Variants in CPEB2 observed in about 807,000 individuals in gnomAD.
CPEB2 encodes the protein cytoplasmic polyadenylation element binding protein 2, also known as cytoplasmic polyadenylation element-binding protein 2.
A neutral mutation model predicts 93.6 loss-of-function variants in CPEB2; 56 were observed. The observed-to-expected ratio is 0.60, with a 90% CI of 0.48 to 0.75. The LOEUF (loss-of-function observed/expected upper bound fraction) is 0.75, where lower values mean the gene tolerates loss of function less well. Ranked by LOEUF, CPEB2 falls within the 30% of genes least tolerant of loss-of-function variation. CPEB2 has a pLI of 0.00. For missense variants in CPEB2, 1,579 were observed against 1,395.1 expected (o/e 1.13, Z -2.10); for synonymous variants, 764 against 586.3 (o/e 1.30, Z -4.38).
Position 15,003,860 on chromosome 4 carries a change from AGCC to A in CPEB2, c.1195_1197del (p.Pro399del), listed in dbSNP as rs1415611031. 1.2e-6 allele frequency: 1 copy of A among 844,086 alleles called. No individual in the cohort carries two copies. Among genetic ancestry groups the A allele is most frequent in the Non-Finnish European group, 1.6e-6 (1 of 638,970 alleles). The allele number at this position is 844,086 out of a possible 1,614,324, so 52.3% of individuals were successfully genotyped here. On this transcript the variant is annotated inframe_deletion, in exon 1 of 12. Coordinates refer to ENST00000538197, the MANE Select transcript of CPEB2 (RefSeq NM_001177382.2). ...GCGTCGCCGCCACCCCAGCCCCAGC[AGCC>A]GCCGCCGACCCAGCCGCAGCAGCAG... is the stretch of plus-strand genomic sequence containing the variant.
Position 15,039,131 on chromosome 4 carries a change from A to C in CPEB2, c.2177-1333A>C, listed in dbSNP as rs78355852. Among the ~76,000 whole-genome samples the C allele has an allele frequency of 3.1e-3, 479 of 152,332 alleles. 2 individuals are homozygous for C. Among genetic ancestry groups the C allele is most frequent in the Non-Finnish European group, 5.2e-3 (355 of 68,036 alleles). ...AGCTCAAGGATAGGTTAAGTGTGCA[A>C]CAGATTACAAGCTAAATAAAGACAC... On this transcript the variant is annotated intron_variant, in intron 5 of 11. Coordinates refer to ENST00000538197, the MANE Select transcript of CPEB2 (RefSeq NM_001177382.2).
In CPEB2 at chr4:15,007,400, T is replaced by C. The variant is rs757536174; in HGVS notation, c.1758T>C (p.Arg586=). 1 of 1,614,000 alleles carries C rather than the reference T, an allele frequency of 6.2e-7. No individual in the cohort carries two copies. Among genetic ancestry groups the C allele is most frequent in the East Asian group, 2.2e-5 (1 of 44,882 alleles). The change falls in exon 2 of 12, where the codon CGT becomes CGC. Residue 586 remains arginine (R), a synonymous_variant. Transcript: ENST00000538197. The part of the protein sequence containing the change: ...SWGAMHGRDH[R]RTGNMGIPGT... ...GAGCAATGCATGGCAGAGATCATCG[T>C]AGAACCGGAAACATGGGAATCCCAG...
At position 15,040,415 on chromosome 4, in the gene CPEB2, C is replaced by T. The variant is rs556687996; in HGVS notation, c.2177-49C>T. ...TATCAGAAATATTTGTATATGTGGG[C>T]TTATTTTTAGTTCTGACATTTTACA... On this transcript the variant is annotated intron_variant, in intron 5 of 11. Transcript: ENST00000538197. The T allele has an allele frequency of 8.8e-5, 134 of 1,516,338 alleles. No individual in the cohort carries two copies. The African/African-American group carries it at 1.5e-3, about 17-fold the overall frequency. The allele number at this position is 1,516,338 out of a possible 1,614,324, so 93.9% of individuals were successfully genotyped here.
At chr4:15,053,197 T>C (rs1250817099) in intron 7 of CPEB2, among the ~76,000 whole-genome samples, 1 of 152,042 alleles carries the variant, frequency 6.6e-6, no homozygotes, top group Non-Finnish European at 1.5e-5. Flanking sequence ...GTTGTATTTT[T>C]AGGTGAGACG....
At chr4:15,031,412 A>G (rs1227087499) in intron 4 of CPEB2, among the ~76,000 whole-genome samples, 1 of 152,136 alleles carries the variant, frequency 6.6e-6, no homozygotes, top group East Asian at 1.9e-4. Context: ...CTTCAAAGTA[A>G]TGTTCCGTGT....
At chr4:15,005,345 A>G (rs141552580) in intron 1 of CPEB2, among the ~76,000 whole-genome samples, 4 of 152,328 alleles carry the variant, frequency 2.6e-5, no homozygotes, top group African/African-American at 7.2e-5. Flanking sequence ...TTAACCTTCT[A>G]CAAGGGAATA....
At chr4:15,021,534 G>A (rs183768061) in intron 4 of CPEB2, among the ~76,000 whole-genome samples, 397 of 152,184 alleles carry the variant, frequency 2.6e-3, no homozygotes, top group Non-Finnish European at 4.2e-3. Flanking sequence ...ATTTTTGCCA[G>A]AAATTGCTTG....
At chr4:15,036,804 A>T (rs1446274081) in intron 5 of CPEB2, among the ~76,000 whole-genome samples, 1 of 152,222 alleles carries the variant, frequency 6.6e-6, no homozygotes, top group African/African-American at 2.4e-5. Context: ...TAAAGAGCTT[A>T]CTGTACTTTT....
intron 3 of CPEB2, among the ~76,000 whole-genome samples, chr4:15,016,057 C>G (rs112370465): frequency 2.6e-5 from 4 of 151,998 alleles, no homozygotes; most frequent in African/African-American, 9.7e-5. Flanking sequence ...CTTCTGGTCT[C>G]TCTTGAAGCT....
Position 15,003,569 on chromosome 4 carries a change from C to A in CPEB2, c.896C>A (p.Ala299Glu), listed in dbSNP as rs971971519. 1.7e-5 allele frequency: 25 copies of A among 1,466,912 alleles called. No individual in the cohort carries two copies. Among genetic ancestry groups the A allele is most frequent in the African/African-American group, 2.9e-5 (2 of 68,142 alleles). 90.9% of individuals were successfully genotyped at this position (1,466,912 alleles called of 1,614,324 possible). ...GEGSAAESPN[A>E]GLASSTPVNP... is the part of the protein sequence containing the mutation. Reference sequence around the variant, plus strand: ...GGCAGCGCCGCCGAGTCCCCCAATGCGGGCTTGGCCTCCTCGACGCCGGTG... The same window carrying A: ...GGCAGCGCCGCCGAGTCCCCCAATGAGGGCTTGGCCTCCTCGACGCCGGTG... Residue 299 changes from alanine to glutamate, a missense_variant, in exon 1 of 12, where the codon GCG (alanine) becomes GAG (glutamate). Ala to Glu is a moderately radical substitution (Grantham distance 107). This residue lies in a region of CPEB2 where 1,411 missense variants were observed against 1,056.0 expected (regional missense o/e 1.34). Transcript: ENST00000538197.
intron 2 of CPEB2, 95 bp from the exon 3 acceptor site, chr4:15,008,243 T>TA: frequency 1.2e-6 from 1 of 846,746 alleles, no homozygotes; most frequent in Non-Finnish European, 2.0e-6. Context: ...GGATTTAAGA[T>TA]AGAGCTTTAT....
intron 5 of CPEB2, among the ~76,000 whole-genome samples, chr4:15,039,038 G>A (rs1250489963): frequency 6.6e-6 from 1 of 152,180 alleles, no homozygotes; most frequent in African/African-American, 2.4e-5. Flanking sequence ...TCCTATCTGA[G>A]GAGAGGAGAA....
intron 10 of CPEB2, among the ~76,000 whole-genome samples, chr4:15,059,799 G>GCA (rs1729028912): frequency 6.6e-6 from 1 of 152,082 alleles, no homozygotes; most frequent in Non-Finnish European, 1.5e-5. Flanking sequence ...TATAATTGTA[G>GCA]ATGTATATGC....
chr4:15,007,100 A>G (rs1364138652), intron 1 of CPEB2, among the ~76,000 whole-genome samples: 1 of 152,222 alleles, frequency 6.6e-6, no homozygotes, highest in Non-Finnish European at 1.5e-5. Flanking sequence ...TATTTATAGT[A>G]TACAAGAAGA....
chr4:15,057,204 C>G (rs1728793857), intron 8 of CPEB2, among the ~76,000 whole-genome samples: 2 of 151,998 alleles, frequency 1.3e-5, no homozygotes, highest in African/African-American at 2.4e-5. Flanking sequence ...TGTAAAAAAT[C>G]TAAGACATGT....
chr4:15,003,038 A>G lies in CPEB2; in HGVS notation c.365A>G (p.His122Arg). 1 of 1,485,366 alleles carries G rather than the reference A, an allele frequency of 6.7e-7. No individual in the cohort carries two copies. Among genetic ancestry groups the G allele is most frequent in the East Asian group, 2.6e-5 (1 of 38,744 alleles). The allele number at this position is 1,485,366 out of a possible 1,614,324, so 92.0% of individuals were successfully genotyped here. A position where few individuals can be genotyped will look rare whatever the true frequency, so the allele number is the denominator to read the frequency against. ...AAATEKLPDH[H>R]PGGGTIAGVT... ...GCCACGGAGAAACTCCCCGACCACCACCCCGGCGGCGGCACGATCGCGGGT... is the reference window on the plus strand; with the variant it reads ...GCCACGGAGAAACTCCCCGACCACCGCCCCGGCGGCGGCACGATCGCGGGT... The change falls in exon 1 of 12, where the codon CAC (histidine) becomes CGC (arginine). Residue 122 changes from histidine (H) to arginine (R), a missense_variant. Physicochemically the swap from His to Arg is conservative, Grantham distance 29. Around this residue, in one of 2 missense-constraint regions of CPEB2, gnomAD observed 1,411 missense variants for 1,056.0 expected, o/e 1.34. Coordinates refer to ENST00000538197, the MANE Select transcript of CPEB2 (RefSeq NM_001177382.2).
chr4:15,062,044 C>T, intron 10 of CPEB2, 35 bp from the exon 11 acceptor site: 1 of 1,534,774 alleles, frequency 6.5e-7, no homozygotes, highest in African/African-American at 1.4e-5. Flanking sequence ...ACTGTGTTCT[C>T]TCACATTTGA....
rs556148173 is a variant in CPEB2 at position 15,024,157 on chromosome 4, T to G, written c.2125+6879T>G. On this transcript the variant is annotated intron_variant, in intron 4 of 11. Transcript: ENST00000538197. ...GCATCAAATTATCATCCAGATTGTT[T>G]TTTTTCATTATTGCAGTCCTATATA... 1.1e-4 allele frequency among the ~76,000 whole-genome samples: 17 copies of G among 152,276 alleles called. No homozygotes were observed. In the South Asian group the frequency reaches 3.3e-3, roughly 30 times the overall value.
At chr4:15,025,044 T>A (rs1283760397) in intron 4 of CPEB2, among the ~76,000 whole-genome samples, 1 of 151,992 alleles carries the variant, frequency 6.6e-6, no homozygotes, top group Non-Finnish European at 1.5e-5. Context: ...CATGCCTGCC[T>A]CCCATTTTTT....
Sources: allele counts gnomAD v4.1 joint callset (sites outside exome capture counted in the v4.1 genomes callset), GRCh38; gene constraint gnomAD v4.1.1; regional missense constraint gnomAD v4.1.1; transcripts MANE v1.5; gene names NCBI Gene and HGNC (gene_info 2026-07-23, HGNC 2026-07-21).